Variants in LRBA observed in about 807,000 individuals in gnomAD.
The protein encoded by LRBA is lipopolysaccharide-responsive and beige-like anchor protein.
A neutral mutation model predicts 330.0 loss-of-function variants in LRBA; 176 were observed. The observed-to-expected ratio is 0.53, with a 90% CI of 0.47 to 0.60. LRBA has a LOEUF of 0.60. LRBA is among the 20% of genes least tolerant of loss of function. The pLI, the probability that LRBA is intolerant of heterozygous loss-of-function variation, is 0.00. For synonymous variants in LRBA, 1,230 were observed against 1,193.0 expected (o/e 1.03, Z -0.64); for missense variants, 3,259 against 3,444.8 (o/e 0.95, Z 1.35).
intron 40 of LRBA, among the ~76,000 whole-genome samples, chr4:150,531,425 C>T (rs1270350917): frequency 6.6e-6 from 1 of 152,186 alleles, no homozygotes; most frequent in Non-Finnish European, 1.5e-5. Flanking sequence ...CTTCTTCCCT[C>T]ACTTCATTCA....
At chr4:150,576,846 T>C (rs1315896883) in intron 40 of LRBA, among the ~76,000 whole-genome samples, 6 of 152,008 alleles carry the variant, frequency 3.9e-5, no homozygotes, top group African/African-American at 1.4e-4. Context: ...AAATTAAAGC[T>C]ACTGCTTTTA....
intron 31 of LRBA, among the ~76,000 whole-genome samples, chr4:150,809,866 ATACGATACG>A (rs1743384507): frequency 2.2e-5 from 1 of 45,040 alleles, no homozygotes; most frequent in South Asian, 5.7e-4. Context: ...ATACGATACG[ATACGATACG>A]ATACGATACG....
intron 36 of LRBA, among the ~76,000 whole-genome samples, chr4:150,688,950 C>A (rs2126941659): frequency 6.6e-6 from 1 of 152,286 alleles, no homozygotes; most frequent in South Asian, 2.1e-4. Flanking sequence ...CCAGCAATCC[C>A]ATTACTGGGT....
At position 150,806,415 on chromosome 4, in the gene LRBA, G is replaced by A; in HGVS notation, c.5385-11C>T. On this transcript the variant is annotated splice_polypyrimidine_tract_variant and intron_variant, in intron 32 of 56. Coordinates refer to ENST00000651943, the MANE Select transcript of LRBA (RefSeq NM_001364905.1). ...AGCCTCTCTGTAATACTAAGGAAAA[G>A]ACATTAAGTTACTTGAACTATTCAA... 2 of 1,571,410 alleles carry A rather than the reference G, an allele frequency of 1.3e-6. No homozygotes were observed. Among genetic ancestry groups the A allele is most frequent in the Non-Finnish European group, 1.7e-6 (2 of 1,162,914 alleles).
intron 47 of LRBA, 24 bp from the exon 48 acceptor site, chr4:150,350,183 T>C: frequency 4.0e-6 from 6 of 1,485,626 alleles, no homozygotes; most frequent in Non-Finnish European, 5.4e-6. Context: ...TACATTGTAT[T>C]ACTATGCTGA....
chr4:150,702,285 T>C (rs1240181805), intron 36 of LRBA, among the ~76,000 whole-genome samples: 1 of 152,170 alleles, frequency 6.6e-6, no homozygotes, highest in Non-Finnish European at 1.5e-5. Context: ...AAGTTTGTCA[T>C]TTAACTAATC....
intron 40 of LRBA, among the ~76,000 whole-genome samples, chr4:150,548,162 G>A (rs147076633): frequency 8.5e-5 from 13 of 152,112 alleles, no homozygotes; most frequent in East Asian, 7.7e-4. Context: ...AATACATTTC[G>A]TTCTTATCAG....
At chr4:150,304,328 CTTA>C (rs1399065341) in intron 52 of LRBA, among the ~76,000 whole-genome samples, 3 of 151,884 alleles carry the variant, frequency 2.0e-5, no homozygotes, top group South Asian at 2.1e-4. Context: ...AAATCTAAGG[CTTA>C]TTATGAAGGC....
chr4:150,833,374 C>T (rs1157030799), intron 28 of LRBA, among the ~76,000 whole-genome samples: 1 of 151,794 alleles, frequency 6.6e-6, no homozygotes, highest in Non-Finnish European at 1.5e-5. Flanking sequence ...AAGGCTCAAG[C>T]AGAAGGTAAA....
intron 36 of LRBA, among the ~76,000 whole-genome samples, chr4:150,709,968 A>T (rs1221681785): frequency 1.3e-5 from 2 of 151,932 alleles, no homozygotes; most frequent in Non-Finnish European, 2.9e-5. Context: ...GATATTAAGG[A>T]TTGTAGGTTT....
intron 40 of LRBA, among the ~76,000 whole-genome samples, chr4:150,499,879 A>G (rs1421636685): frequency 6.6e-6 from 1 of 152,078 alleles, no homozygotes; most frequent in Non-Finnish European, 1.5e-5. Flanking sequence ...CCTCCCTAAA[A>G]AAGTGTTTTA....
In LRBA at chr4:150,721,564, T is replaced by C. The variant is rs186500709; in HGVS notation, c.5754+13694A>G. The C allele has an allele frequency of 3.4e-4, 67 of 194,804 alleles. No homozygotes were observed. In the East Asian group the frequency reaches 0.011, roughly 31 times the overall value. 12.1% of individuals were successfully genotyped at this position (194,804 alleles called of 1,614,324 possible). A position where few individuals can be genotyped will look rare whatever the true frequency, so the allele number is the denominator to read the frequency against. ...GGAAGACAATGTGAATTAAATTCTA[T>C]AGTATCTTATGAAATACAGAAATTG... is the stretch of plus-strand genomic sequence containing the variant. On this transcript the variant is annotated intron_variant, in intron 36 of 56. Coordinates refer to ENST00000651943, the MANE Select transcript of LRBA (RefSeq NM_001364905.1).
chr4:150,914,675 T>C (rs1029425089), intron 8 of LRBA, among the ~76,000 whole-genome samples: 1 of 152,146 alleles, frequency 6.6e-6, no homozygotes, highest in Admixed American at 6.5e-5. Flanking sequence ...TCTTGCAAGG[T>C]TGCTGGAGCT....
chr4:150,437,339 T>C (rs1740930705), intron 44 of LRBA, among the ~76,000 whole-genome samples: 1 of 151,460 alleles, frequency 6.6e-6, no homozygotes, highest in African/African-American at 2.4e-5. Flanking sequence ...AAGAAAGAAA[T>C]TGTGGGAAAA....
chr4:150,754,579 C>T (rs1734035663), intron 35 of LRBA, among the ~76,000 whole-genome samples: 1 of 149,488 alleles, frequency 6.7e-6, no homozygotes, highest in Non-Finnish European at 1.5e-5. Context: ...TCAATTAATC[C>T]ACTGTTGATC....
intron 17 of LRBA, 46 bp from the exon 18 acceptor site, chr4:150,872,801 T>C (rs1753588267): frequency 2.1e-6 from 2 of 963,156 alleles, no homozygotes; most frequent in African/African-American, 3.4e-5. Flanking sequence ...GTATAATTTT[T>C]AAATGGAAAG....
chr4:150,327,543 C>T (rs778362254), intron 48 of LRBA, among the ~76,000 whole-genome samples: 3 of 152,186 alleles, frequency 2.0e-5, no homozygotes, highest in Admixed American at 6.5e-5. Flanking sequence ...TGGCAAAGAA[C>T]TTATTGCTTC....
chr4:150,930,289 T>C (rs1233645514), intron 2 of LRBA, among the ~76,000 whole-genome samples: 1 of 147,922 alleles, frequency 6.8e-6, no homozygotes. Context: ...CACTGTAGCC[T>C]GGGCAACTGA....
rs183349698 is a variant in LRBA, at chr4:150,897,705, A to T, written c.2004+34T>A. ...CATGTGAAATTATAACCTTCAATAC[A>T]CGGTATGCTATGGAATAAGCAACGT... On this transcript the variant is annotated intron_variant, in intron 15 of 56. Coordinates refer to ENST00000651943, the MANE Select transcript of LRBA (RefSeq NM_001364905.1). 855 of 1,427,114 alleles carry T rather than the reference A, an allele frequency of 6.0e-4. 4 individuals carry two copies. The Admixed American group carries it at 0.014, about 24-fold the overall frequency. The allele number at this position is 1,427,114 out of a possible 1,614,324, so 88.4% of individuals were successfully genotyped here. A position where few individuals can be genotyped will look rare whatever the true frequency, so the allele number is the denominator to read the frequency against.
Sources: gnomAD v4.1 joint callset for allele counts (sites outside exome capture counted in the v4.1 genomes callset) on GRCh38, gnomAD v4.1.1 for gene constraint, MANE v1.5 for transcripts, NCBI Gene and HGNC (gene_info 2026-07-23, HGNC 2026-07-21) for gene names.